The following CIB1 variants were observed in gnomAD, a reference collection of about 807,000 sequenced individuals.
CIB1 encodes calcium and integrin binding 1, also known as calcium and integrin-binding protein 1.
A neutral mutation model predicts 25.0 loss-of-function variants in CIB1; 19 were observed. That is an observed-to-expected ratio of 0.76 (90% CI 0.53 to 1.12). CIB1 has a LOEUF of 1.12. CIB1 is among the 50% of genes most tolerant of loss of function. The probability of loss-of-function intolerance (pLI) is 0.00; values close to 1 mark genes in which losing one functional copy is unlikely to be tolerated. For missense variants in CIB1, 236 were observed against 242.6 expected (o/e 0.97, Z 0.18); for synonymous variants, 104 against 98.5 (o/e 1.06, Z -0.33).
At chr15:90,231,616 T>G in intron 3 of CIB1, 109 bp from the exon 4 acceptor site, 2 of 1,313,206 alleles carry the variant, frequency 1.5e-6, no homozygotes, top group Non-Finnish European at 2.1e-6. Flanking sequence ...CTCAGCCTCG[T>G]GGGGGTGAAC....
chr15:90,261,583 C>T, the CIB1 span, among the ~76,000 whole-genome samples: 6 of 151,820 alleles, frequency 4.0e-5, no homozygotes, highest in African/African-American at 1.2e-4. Flanking sequence ...ACTTGAGGTC[C>T]GGCCTTGCCA....
At chr15:90,245,697 C>T in the CIB1 span, 1 of 152,242 alleles carries the variant, frequency 6.6e-6, no homozygotes, top group South Asian at 2.1e-4. Context: ...AGCCAAATAT[C>T]AGGATTTTCC....
At chr15:90,256,140 G>C in the CIB1 span, 5 of 1,614,034 alleles carry the variant, frequency 3.1e-6, no homozygotes, top group Non-Finnish European at 1.7e-6. Context: ...TCTGCACATA[G>C]CTATGGGGAC....
At chr15:90,251,072 C>G in the CIB1 span, among the ~76,000 whole-genome samples, 1 of 150,590 alleles carries the variant, frequency 6.6e-6, no homozygotes. Context: ...TTTAGGCTGG[C>G]TCATTTTGGA....
At chr15:90,241,287 A>C in the CIB1 span, 1 of 1,614,152 alleles carries the variant, frequency 6.2e-7, no homozygotes, top group African/African-American at 1.3e-5. Context: ...GTTCAACTTC[A>C]ACAAGATCCG....
At chr15:90,263,285 C>A in the CIB1 span, 2 of 737,318 alleles carry the variant, frequency 2.7e-6, no homozygotes, top group Non-Finnish European at 4.3e-6. Context: ...GCTAGCTGGA[C>A]CTTGGGAGAG....
the CIB1 span, chr15:90,262,775 AGAG>A: frequency 8.0e-6 from 10 of 1,247,758 alleles, no homozygotes; most frequent in Non-Finnish European, 9.7e-6. Flanking sequence ...CACAAGAGAG[AGAG>A]GAGTTCCTAA....
Position 90,231,243 on chromosome 15 carries a change from C to G in CIB1, c.347-30G>C, listed in dbSNP as rs748901358. The G allele has an allele frequency of 4.3e-6, 7 of 1,612,796 alleles. No homozygotes were observed. In the Admixed American group the frequency reaches 1.2e-4, roughly 27 times the overall value. On this transcript the variant is annotated intron_variant, in intron 4 of 6. Coordinates refer to ENST00000328649, the MANE Select transcript of CIB1 (RefSeq NM_006384.4). ...AGAGCAGACACAGGAAGCCAAAAGA[C>G]ACGGTTGGGAGGGGCTCTGAGGTTC...
chr15:90,258,186 C>G, the CIB1 span: 4 of 1,614,268 alleles, frequency 2.5e-6, no homozygotes, highest in Non-Finnish European at 3.4e-6. Flanking sequence ...TCCCCAGTAT[C>G]TGAATGGAGG....
At chr15:90,241,789 G>A in the CIB1 span, 12 of 1,614,118 alleles carry the variant, frequency 7.4e-6, no homozygotes, top group South Asian at 1.2e-4. Flanking sequence ...GTCACCCGGG[G>A]AGCTCCGCCG....
chr15:90,231,159 C>T lies in CIB1; in HGVS notation c.401G>A (p.Cys134Tyr). 1 of 1,614,196 alleles carries T rather than the reference C, an allele frequency of 6.2e-7. No homozygotes were observed. The change falls in exon 5 of 7, where the codon TGC becomes TAC. Residue 134 changes from cysteine to tyrosine, a missense_variant. Physicochemically the swap from Cys to Tyr is radical, Grantham distance 194 (BLOSUM62 -2). Transcript: ENST00000328649. ...TGTGTCCTCGCCCTCTCCCGTGAGG[C>T]AGTTCACCAGCCGGCTCAGGTCTTC... Reference protein sequence around the residue: ...NREDLSRLVNCLTGEGEDTRL... With the variant: ...NREDLSRLVNYLTGEGEDTRL...
At position 90,231,086 on chromosome 15, in the gene CIB1, G is replaced by A. The variant is rs1239610733; in HGVS notation, c.465+9C>T. 6.2e-7 allele frequency: 1 copy of A among 1,613,808 alleles called. No individual in the cohort carries two copies. Among genetic ancestry groups the A allele is most frequent in the Non-Finnish European group, 8.5e-7 (1 of 1,179,764 alleles). ...TCCCTCCCGCTCCCAGGCCTGCTCA[G>A]CTGCTCACGTTGTCGATGAGCTGCT... On this transcript the variant is annotated intron_variant, in intron 5 of 6. Transcript: ENST00000328649.
chr15:90,249,947 T>TTTTTA, the CIB1 span: 10 of 147,574 alleles, frequency 6.8e-5, no homozygotes, highest in African/African-American at 2.3e-4. Flanking sequence ...CTGTATTTTA[T>TTTTTA]TTTATTTATT....
chr15:90,238,924 A>G (rs1962689926), upstream of CIB1, among the ~76,000 whole-genome samples: 1 of 151,978 alleles, frequency 6.6e-6, no homozygotes, highest in Non-Finnish European at 1.5e-5. Flanking sequence ...CTCTGTCTCT[A>G]CCAAAAACAA....
chr15:90,263,153 T>A, the CIB1 span: 7 of 1,519,342 alleles, frequency 4.6e-6, no homozygotes, highest in Non-Finnish European at 6.1e-6. Flanking sequence ...CGGGTGAGGG[T>A]CCCTGTGAAG....
upstream of CIB1, among the ~76,000 whole-genome samples, chr15:90,236,712 T>C (rs1962642783): frequency 1.3e-5 from 2 of 151,052 alleles, no homozygotes; most frequent in African/African-American, 2.4e-5. Flanking sequence ...TTTTGTATTT[T>C]TTTTTAGTAG....
chr15:90,252,479 C>A, the CIB1 span, among the ~76,000 whole-genome samples: 2 of 152,228 alleles, frequency 1.3e-5, no homozygotes, highest in Non-Finnish European at 2.9e-5. Context: ...CCATGCCAGA[C>A]CCTTCCCAGA....
chr15:90,257,946 A>G, the CIB1 span: 2 of 1,251,644 alleles, frequency 1.6e-6, no homozygotes, highest in South Asian at 1.4e-5. Context: ...AAGCCCGGGC[A>G]TGCAATTAGC....
At chr15:90,257,318 CA>C in the CIB1 span, 6 of 1,588,040 alleles carry the variant, frequency 3.8e-6, no homozygotes, top group Admixed American at 1.1e-4. Context: ...TTTCCACTGC[CA>C]AAAGTGCTGA....
Sources: allele counts gnomAD v4.1 joint callset (sites outside exome capture counted in the v4.1 genomes callset), GRCh38; gene constraint gnomAD v4.1.1; transcripts MANE v1.5; gene names NCBI Gene and HGNC (gene_info 2026-07-23, HGNC 2026-07-21).